The following CNDP1 variants were observed in gnomAD, a reference collection of about 807,000 sequenced individuals.
The protein encoded by CNDP1 is beta-Ala-His dipeptidase.
In CNDP1, 44 loss-of-function variants were observed where a neutral mutation model predicts 58.1. The observed-to-expected ratio is 0.76, with a 90% CI of 0.60 to 0.97. The LOEUF (loss-of-function observed/expected upper bound fraction) is 0.97, where lower values mean the gene tolerates loss of function less well. Among genes scored for constraint, CNDP1 ranks in the 50% least tolerant of loss-of-function variants. The pLI is 0.00. For missense variants in CNDP1, 616 were observed against 655.1 expected (o/e 0.94, Z 0.65); for synonymous variants, 254 against 252.6 (o/e 1.01, Z -0.05).
At chr18:74,553,106 C>G (rs766549859) in intron 1 of CNDP1, among the ~76,000 whole-genome samples, 32 of 152,258 alleles carry the variant, frequency 2.1e-4, no homozygotes, top group Non-Finnish European at 3.8e-4. Context: ...TTATTCAAAT[C>G]CTTTGCACAT....
rs1980438815 is a variant in CNDP1 at position 74,534,642 on chromosome 18, G to C, written c.-26G>C. On this transcript the variant is annotated 5_prime_UTR_variant, in exon 1 of 12. Coordinates refer to ENST00000358821, the MANE Select transcript of CNDP1 (RefSeq NM_032649.6). ...ACATTTTTTGGAGGTTGGGAAAGTT[G>C]CTAGAGGCTTCAGAACTCCAGCCTA... 1.2e-6 allele frequency: 2 copies of C among 1,614,016 alleles called. No homozygotes were observed. Among genetic ancestry groups the C allele is most frequent in the African/African-American group, 2.7e-5 (2 of 75,060 alleles).
intron 7 of CNDP1, among the ~76,000 whole-genome samples, chr18:74,572,283 T>C (rs1981498539): frequency 6.6e-6 from 1 of 152,142 alleles, no homozygotes; most frequent in Non-Finnish European, 1.5e-5. Flanking sequence ...GCATCAGAGC[T>C]GCCCATAGTG....
Position 74,584,572 on chromosome 18 carries a change from C to T in CNDP1, c.*10C>T. 6.2e-7 allele frequency: 1 copy of T among 1,608,158 alleles called. No homozygotes were observed. Among genetic ancestry groups the T allele is most frequent in the South Asian group, 1.1e-5 (1 of 90,940 alleles). ...GGCCCAGCTCCATTAATCACAAGAA[C>T]CTTCTAGTCTGATCTGATCCACTGA... On this transcript the variant is annotated 3_prime_UTR_variant, in exon 12 of 12. Transcript: ENST00000358821.
In CNDP1 at chr18:74,562,029, C is replaced by T. The variant is rs1193543973; in HGVS notation, c.467-18C>T. On this transcript the variant is annotated intron_variant, in intron 4 of 11. Transcript: ENST00000358821. ...AGGTGTCCACACTTCTCTGAACATT[C>T]TTCTCCCCTTTTTAAAGGGAAACTT... is the stretch of plus-strand genomic sequence containing the variant. 6.2e-7 allele frequency: 1 copy of T among 1,609,950 alleles called. No individual in the cohort carries two copies. The highest frequency in any genetic ancestry group is 8.5e-7 in the Non-Finnish European group (1 of 1,176,394).
chr18:74,570,013 C>T (rs114050238), intron 6 of CNDP1, among the ~76,000 whole-genome samples: 2,054 of 140,932 alleles, frequency 0.015, 51 homozygotes, highest in African/African-American at 0.052. Context: ...TGGTGAAACC[C>T]TGTCTTTATG....
chr18:74,574,358 T>A (rs993832232), intron 7 of CNDP1, among the ~76,000 whole-genome samples: 2 of 152,236 alleles, frequency 1.3e-5, no homozygotes, highest in Non-Finnish European at 2.9e-5. Context: ...AGGATACTTG[T>A]GTTTACAAAT....
In CNDP1 at chr18:74,580,276, G is replaced by GACCTTAAGATCTTCTGACTGGCCA; in HGVS notation, c.1309+7_1309+30dup. On this transcript the variant is annotated splice_donor_region_variant and intron_variant, in intron 10 of 11. Coordinates refer to ENST00000358821, the MANE Select transcript of CNDP1 (RefSeq NM_032649.6). ...CAAAAAGAGCGATCAGAACAGGTGG[G>GACCTTAAGATCTTCTGACTGGCCA]ACCTTAAGATCTTCTGACTGGCCAA... is the stretch of plus-strand genomic sequence containing the variant. The GACCTTAAGATCTTCTGACTGGCCA allele has an allele frequency of 6.2e-7, 1 of 1,613,770 alleles. No homozygotes were observed. Among genetic ancestry groups the GACCTTAAGATCTTCTGACTGGCCA allele is most frequent in the Admixed American group, 1.7e-5 (1 of 59,994 alleles).
chr18:74,563,868 G>A (rs907340589), intron 5 of CNDP1, among the ~76,000 whole-genome samples: 6 of 152,196 alleles, frequency 3.9e-5, no homozygotes, highest in Non-Finnish European at 8.8e-5. Flanking sequence ...CTATGGGTTT[G>A]TATTTTATTA....
At chr18:74,535,120 C>T (rs1415363501) in intron 1 of CNDP1, among the ~76,000 whole-genome samples, 2 of 152,172 alleles carry the variant, frequency 1.3e-5, no homozygotes, top group African/African-American at 4.8e-5. Context: ...GAGCTAATCA[C>T]CGGGCTAAAT....
intron 1 of CNDP1, among the ~76,000 whole-genome samples, chr18:74,553,915 C>A (rs1980971729): frequency 6.6e-6 from 1 of 152,228 alleles, no homozygotes; most frequent in South Asian, 2.1e-4. Context: ...GCACATCTTA[C>A]TGCTTTCCTG....
At chr18:74,573,217 TATCC>T (rs962769174) in intron 7 of CNDP1, among the ~76,000 whole-genome samples, 10 of 151,988 alleles carry the variant, frequency 6.6e-5, no homozygotes, top group Admixed American at 3.3e-4. Context: ...ACCTATCATC[TATCC>T]ATCCATCCAT....
At chr18:74,542,510 C>T (rs994165943) in intron 1 of CNDP1, among the ~76,000 whole-genome samples, 8 of 152,268 alleles carry the variant, frequency 5.3e-5, no homozygotes, top group African/African-American at 1.9e-4. Context: ...AGGGCAGTCC[C>T]GATCAAGACA....
At chr18:74,540,110 A>G (rs1012561704) in intron 1 of CNDP1, among the ~76,000 whole-genome samples, 2 of 151,274 alleles carry the variant, frequency 1.3e-5, no homozygotes, top group African/African-American at 4.9e-5. Context: ...GGTCTTTCGA[A>G]TCAGAATCTA....
intron 11 of CNDP1, 152 bp from the exon 12 acceptor site, chr18:74,584,344 A>C (rs1981860977): frequency 1.6e-6 from 1 of 610,042 alleles, no homozygotes; most frequent in South Asian, 2.0e-5. Flanking sequence ...GAACTTACTA[A>C]GTGCTTTTCA....
At chr18:74,581,172 G>C (rs749708042) in intron 10 of CNDP1, among the ~76,000 whole-genome samples, 1 of 151,520 alleles carries the variant, frequency 6.6e-6, no homozygotes, top group Non-Finnish European at 1.5e-5. Flanking sequence ...TTGAAAATGA[G>C]ACCCATTATA....
intron 1 of CNDP1, among the ~76,000 whole-genome samples, chr18:74,539,577 T>C (rs1980566079): frequency 6.6e-6 from 1 of 152,166 alleles, no homozygotes. Context: ...AAACTCCTTG[T>C]TAGTGTTGTT....
chr18:74,537,148 A>G (rs1336475626), intron 1 of CNDP1, among the ~76,000 whole-genome samples: 1 of 152,138 alleles, frequency 6.6e-6, no homozygotes, highest in Non-Finnish European at 1.5e-5. Context: ...ATTAGATTCT[A>G]TTTGTCAATT....
At chr18:74,574,788 G>A (rs1981584254) in intron 7 of CNDP1, 1 of 152,182 alleles carries the variant, frequency 6.6e-6, no homozygotes, top group South Asian at 2.1e-4. Flanking sequence ...GACATCAATG[G>A]CTCCCCTTTC....
intron 11 of CNDP1, 35 bp downstream of exon 11, chr18:74,583,743 C>T (rs1366449637): frequency 3.1e-6 from 5 of 1,606,254 alleles, no homozygotes; most frequent in African/African-American, 1.3e-5. Context: ...CCTCTCTCTT[C>T]TTCCTTTACT....
Sources: allele counts gnomAD v4.1 joint callset (sites outside exome capture counted in the v4.1 genomes callset), GRCh38; gene constraint gnomAD v4.1.1; transcripts MANE v1.5; gene names NCBI Gene and HGNC (gene_info 2026-07-23, HGNC 2026-07-21).